Variants in PTGER3 observed in about 807,000 individuals in gnomAD.
The protein encoded by PTGER3 is prostaglandin E2 receptor EP3 subtype.
In PTGER3, 22 loss-of-function variants were observed where a neutral mutation model predicts 34.7. That is an observed-to-expected ratio of 0.63 (90% confidence interval 0.45 to 0.91). PTGER3 has a LOEUF of 0.91. PTGER3 is among the 40% of genes least tolerant of loss of function. PTGER3 has a pLI of 0.00. For missense variants in PTGER3, 468 were observed against 519.4 expected, an observed-to-expected ratio of 0.90 and a Z score of 0.96; for synonymous variants, 241 against 230.1, an observed-to-expected ratio of 1.05 and a Z score of -0.43.
chr1:70,925,598 TAATG>T (rs969362466), intron 4 of PTGER3, among the ~76,000 whole-genome samples: 1 of 152,254 alleles, frequency 6.6e-6, no homozygotes. Flanking sequence ...GCAAAAAAAT[TAATG>T]AACCACAGCT....
intron 4 of PTGER3, among the ~76,000 whole-genome samples, chr1:70,920,308 T>C (rs1402165047): frequency 6.6e-6 from 1 of 152,194 alleles, no homozygotes; most frequent in Admixed American, 6.5e-5. Context: ...GTGGTTACTT[T>C]CTTGTTAAAA....
At chr1:71,001,806 C>T (rs566173999) in intron 2 of PTGER3, among the ~76,000 whole-genome samples, 4 of 152,182 alleles carry the variant, frequency 2.6e-5, no homozygotes, top group Non-Finnish European at 4.4e-5. Flanking sequence ...AGCTTTCTAA[C>T]GTCACTTGTG....
At chr1:70,873,650 CTTT>C (rs749236688) in intron 4 of PTGER3, among the ~76,000 whole-genome samples, 2 of 135,572 alleles carry the variant, frequency 1.5e-5, no homozygotes, top group Non-Finnish European at 3.2e-5. Context: ...ATGTGAGGTG[CTTT>C]TTTTTTTTTT....
At chr1:71,016,761 C>G (rs1258975220) in intron 1 of PTGER3, among the ~76,000 whole-genome samples, 2 of 150,808 alleles carry the variant, frequency 1.3e-5, no homozygotes, top group African/African-American at 4.9e-5. Context: ...CAAGATAGCA[C>G]CACTGCACTC....
chr1:70,996,528 G>A (rs1276826603), intron 2 of PTGER3, among the ~76,000 whole-genome samples: 4 of 151,670 alleles, frequency 2.6e-5, no homozygotes, highest in Non-Finnish European at 2.9e-5. Context: ...GTGCAGTGGC[G>A]CGGCTCACTG....
At chr1:70,942,740 A>G (rs1649871964) in intron 4 of PTGER3, among the ~76,000 whole-genome samples, 1 of 152,178 alleles carries the variant, frequency 6.6e-6, no homozygotes, top group Non-Finnish European at 1.5e-5. Flanking sequence ...TAATTAGGTT[A>G]AATTAGGTCT....
At chr1:70,983,136 G>A (rs1654551944) in intron 2 of PTGER3, among the ~76,000 whole-genome samples, 1 of 151,940 alleles carries the variant, frequency 6.6e-6, no homozygotes, top group South Asian at 2.1e-4. Context: ...AGCCTGAAGG[G>A]AACTGTGGAA....
intron 2 of PTGER3, among the ~76,000 whole-genome samples, chr1:70,979,836 G>T (rs753085316): frequency 6.6e-6 from 1 of 152,126 alleles, no homozygotes; most frequent in East Asian, 1.9e-4. Context: ...TATCTAAAGA[G>T]ATTATACAGT....
intron 2 of PTGER3, among the ~76,000 whole-genome samples, chr1:70,977,125 C>T (rs976551821): frequency 6.6e-6 from 1 of 152,070 alleles, no homozygotes; most frequent in Non-Finnish European, 1.5e-5. Flanking sequence ...GAGGGAGGGT[C>T]GGTGTTGATC....
At chr1:70,973,247 A>C (rs1454595585) in intron 3 of PTGER3, among the ~76,000 whole-genome samples, 3 of 151,806 alleles carry the variant, frequency 2.0e-5, no homozygotes, top group African/African-American at 4.8e-5. Flanking sequence ...AGATAGATAG[A>C]TAGATAGATA....
At chr1:70,927,990 A>C (rs1385322591) in intron 4 of PTGER3, among the ~76,000 whole-genome samples, 1 of 151,964 alleles carries the variant, frequency 6.6e-6, no homozygotes, top group African/African-American at 2.4e-5. Flanking sequence ...GATGGATATC[A>C]TTTTTCATTC....
At chr1:70,867,780 T>C (rs1646074668) in intron 4 of PTGER3, among the ~76,000 whole-genome samples, 1 of 151,886 alleles carries the variant, frequency 6.6e-6, no homozygotes, top group Non-Finnish European at 1.5e-5. Context: ...AGTAAATACA[T>C]CCACAAGGCC....
intron 4 of PTGER3, among the ~76,000 whole-genome samples, chr1:70,947,152 G>A (rs528616218): frequency 6.6e-6 from 1 of 152,196 alleles, no homozygotes; most frequent in South Asian, 2.1e-4. Context: ...ATTAAACATG[G>A]TAACTTCTGT....
Position 71,047,543 on chromosome 1 carries a change from G to T in PTGER3, c.35C>A (p.Pro12His). 1.3e-6 allele frequency: 2 copies of T among 1,575,498 alleles called. No homozygotes were observed. Among genetic ancestry groups the T allele is most frequent in the Non-Finnish European group, 1.7e-6 (2 of 1,159,000 alleles). The change falls in exon 1 of 4, where the codon CCC becomes CAC. Residue 12 changes from proline (P) to histidine (H), a missense_variant. By Grantham distance (77) the Pro-to-His change is moderately conservative. Around this residue, in one of 5 missense-constraint regions of PTGER3, gnomAD observed 151 missense variants for 133.5 expected, o/e 1.13. Transcript: ENST00000306666. ...GGAGTGGTTGAGGCGGGTGCAGAAG[G>T]GGGCATCCCCTCCGTAGCCCCGGGT... The part of the protein sequence containing the change: ...KETRGYGGDA[P>H]FCTRLNHSYT...
intron 1 of PTGER3, among the ~76,000 whole-genome samples, chr1:71,031,757 C>T (rs1307024943): frequency 6.6e-6 from 1 of 152,184 alleles, no homozygotes; most frequent in East Asian, 1.9e-4. Flanking sequence ...TGAAATCCTT[C>T]TACATATGCT....
At chr1:70,902,193 T>C (rs1054944278) in intron 4 of PTGER3, among the ~76,000 whole-genome samples, 5 of 152,006 alleles carry the variant, frequency 3.3e-5, no homozygotes, top group African/African-American at 1.2e-4. Flanking sequence ...AATGTCCAAA[T>C]AGGGAGAATA....
intron 2 of PTGER3, among the ~76,000 whole-genome samples, chr1:70,992,289 G>C (rs1655546767): frequency 6.6e-6 from 1 of 152,192 alleles, no homozygotes; most frequent in Non-Finnish European, 1.5e-5. Flanking sequence ...CCTCTAAGGA[G>C]CTATGCAACT....
rs1660987860 is a variant in PTGER3, at chr1:71,047,660, C to T, written c.-83G>A. ...ACGCGGCGCGGGCGGCGGCGGAGGT[C>T]GGCGTTTACCGCGGCTGGGGCTGGG... On this transcript the variant is annotated 5_prime_UTR_variant, in exon 1 of 4. Coordinates refer to ENST00000306666, the MANE Select transcript of PTGER3 (RefSeq NM_198719.2). 1 of 1,418,478 alleles carries T rather than the reference C, an allele frequency of 7.0e-7. No homozygotes were observed. The highest frequency in any genetic ancestry group is 2.8e-5 in the Admixed American group (1 of 35,578). 87.9% of individuals were successfully genotyped at this position (1,418,478 alleles called of 1,614,324 possible).
At chr1:70,996,288 T>C (rs1409830666) in intron 2 of PTGER3, among the ~76,000 whole-genome samples, 1 of 152,094 alleles carries the variant, frequency 6.6e-6, no homozygotes, top group East Asian at 1.9e-4. Context: ...GTAATTAGGC[T>C]TGACTTACCT....
Sources: gnomAD v4.1 joint callset for allele counts (sites outside exome capture counted in the v4.1 genomes callset) on GRCh38, gnomAD v4.1.1 for gene constraint, gnomAD v4.1.1 regional missense constraint, MANE v1.5 for transcripts, NCBI Gene and HGNC (gene_info 2026-07-23, HGNC 2026-07-21) for gene names.